Variants in EBF2 observed in about 807,000 individuals in gnomAD.
EBF2 encodes the protein EBF transcription factor 2.
Under a neutral mutation model 72.8 loss-of-function variants are expected in EBF2, and 21 were observed. The ratio of observed to expected loss-of-function variants is 0.29; its 90% CI spans 0.20 to 0.42. The LOEUF (loss-of-function observed/expected upper bound fraction) is 0.42, where lower values mean the gene tolerates loss of function less well. EBF2 is among the 10% of genes least tolerant of loss of function. The probability of loss-of-function intolerance (pLI) is 1.00; values close to 1 mark genes in which losing one functional copy is unlikely to be tolerated. For missense variants in EBF2, 637 were observed against 731.2 expected (o/e 0.87, Z 1.49); for synonymous variants, 299 against 274.2 (o/e 1.09, Z -0.89).
intron 6 of EBF2, among the ~76,000 whole-genome samples, chr8:25,996,428 C>T (rs1381412398): frequency 6.6e-6 from 1 of 151,910 alleles, no homozygotes; most frequent in Non-Finnish European, 1.5e-5. Context: ...AAGGTAATCT[C>T]TTAAATTTTA....
At chr8:25,851,337 G>A (rs549813449) in intron 14 of EBF2, among the ~76,000 whole-genome samples, 14 of 151,534 alleles carry the variant, frequency 9.2e-5, no homozygotes, top group African/African-American at 2.4e-4. Flanking sequence ...TTCCTCTCCC[G>A]TAATTTCAAG....
At chr8:25,914,440 A>G (rs1803178109) in intron 6 of EBF2, among the ~76,000 whole-genome samples, 1 of 152,172 alleles carries the variant, frequency 6.6e-6, no homozygotes, top group South Asian at 2.1e-4. Flanking sequence ...GGATACATCT[A>G]TTGGTTGTTG....
intron 10 of EBF2, among the ~76,000 whole-genome samples, chr8:25,878,679 G>A (rs1308743146): frequency 2.0e-5 from 3 of 152,210 alleles, no homozygotes; most frequent in Non-Finnish European, 4.4e-5. Context: ...AGACTCCTGA[G>A]CCATCCTTGA....
chr8:25,973,111 G>T (rs562380954), intron 6 of EBF2, among the ~76,000 whole-genome samples: 1 of 152,024 alleles, frequency 6.6e-6, no homozygotes, highest in Non-Finnish European at 1.5e-5. Flanking sequence ...AGTTTCCAGG[G>T]TATGGAACAC....
intron 15 of EBF2, among the ~76,000 whole-genome samples, chr8:25,846,504 A>G (rs970497447): frequency 6.6e-6 from 1 of 152,104 alleles, no homozygotes; most frequent in African/African-American, 2.4e-5. Context: ...CCTGAGCAAC[A>G]TGATGAAAAC....
intron 6 of EBF2, among the ~76,000 whole-genome samples, chr8:25,961,474 T>G (rs1396772162): frequency 6.6e-6 from 1 of 152,132 alleles, no homozygotes; most frequent in Non-Finnish European, 1.5e-5. Flanking sequence ...AGCAATTACC[T>G]GCCTCACTCT....
At chr8:25,980,364 AAG>A (rs1172309065) in intron 6 of EBF2, among the ~76,000 whole-genome samples, 3 of 152,208 alleles carry the variant, frequency 2.0e-5, no homozygotes, top group Non-Finnish European at 4.4e-5. Flanking sequence ...CCTTCTTTTA[AAG>A]AGAGTACACA....
At chr8:26,005,765 C>T (rs777430299) in intron 6 of EBF2, among the ~76,000 whole-genome samples, 1 of 145,734 alleles carries the variant, frequency 6.9e-6, no homozygotes, top group African/African-American at 2.6e-5. Flanking sequence ...TGGGAGGTGG[C>T]GGCTGCAGTG....
At chr8:26,033,801 T>G (rs959293945) in intron 5 of EBF2, among the ~76,000 whole-genome samples, 2 of 152,140 alleles carry the variant, frequency 1.3e-5, no homozygotes, top group African/African-American at 4.8e-5. Context: ...TTCCCAACTA[T>G]AAGCTACTTG....
At chr8:25,956,417 A>C in intron 6 of EBF2, among the ~76,000 whole-genome samples, 1 of 152,092 alleles carries the variant, frequency 6.6e-6, no homozygotes, top group East Asian at 1.9e-4. Context: ...AAAAAAAAAA[A>C]AATTATTATT....
intron 6 of EBF2, among the ~76,000 whole-genome samples, chr8:26,008,266 T>A (rs973809576): frequency 1.3e-5 from 2 of 152,224 alleles, no homozygotes; most frequent in Non-Finnish European, 2.9e-5. Context: ...GCATTATGTC[T>A]GCATTCCCAT....
chr8:25,879,367 C>T (rs923616534), intron 10 of EBF2, among the ~76,000 whole-genome samples: 2 of 152,156 alleles, frequency 1.3e-5, no homozygotes, highest in Non-Finnish European at 2.9e-5. Flanking sequence ...CTCCCATGAA[C>T]GGTCTTCCAG....
intron 10 of EBF2, among the ~76,000 whole-genome samples, chr8:25,864,965 A>AT (rs1802282451): frequency 6.6e-6 from 1 of 150,568 alleles, no homozygotes; most frequent in Non-Finnish European, 1.5e-5. Flanking sequence ...GCCTGGCTAA[A>AT]TTTTTTTTTG....
intron 13 of EBF2, among the ~76,000 whole-genome samples, chr8:25,860,244 AT>A (rs1197208409): frequency 1.1e-4 from 17 of 152,172 alleles, no homozygotes; most frequent in Non-Finnish European, 2.2e-4. Context: ...TTGTCTTTAT[AT>A]TTGTTTGTTG....
At chr8:26,020,583 G>C (rs759089129) in intron 6 of EBF2, among the ~76,000 whole-genome samples, 1 of 152,190 alleles carries the variant, frequency 6.6e-6, no homozygotes, top group Non-Finnish European at 1.5e-5. Context: ...TAGAAAGCAA[G>C]GGAGGCCCAA....
At chr8:25,869,440 G>A (rs1483428797) in intron 10 of EBF2, among the ~76,000 whole-genome samples, 1 of 152,120 alleles carries the variant, frequency 6.6e-6, no homozygotes, top group Non-Finnish European at 1.5e-5. Flanking sequence ...CCACCAGTAC[G>A]ACCCTGTGTG....
chr8:25,945,844 A>C (rs936972182), intron 6 of EBF2, among the ~76,000 whole-genome samples: 2 of 152,042 alleles, frequency 1.3e-5, no homozygotes, highest in African/African-American at 4.8e-5. Flanking sequence ...CTTTAGAAGC[A>C]CTCAGGACTC....
intron 14 of EBF2, among the ~76,000 whole-genome samples, chr8:25,854,632 G>A (rs1266366023): frequency 6.6e-6 from 1 of 152,012 alleles, no homozygotes; most frequent in Non-Finnish European, 1.5e-5. Context: ...CAAGTTGTCT[G>A]TAATGAGAAT....
chr8:25,988,895 C>CA (rs554641987), intron 6 of EBF2, among the ~76,000 whole-genome samples: 26 of 152,152 alleles, frequency 1.7e-4, no homozygotes, highest in Admixed American at 1.5e-3. Context: ...CAGCTCTTTC[C>CA]AAAAAACTAT....
Sources: gnomAD v4.1 joint callset for allele counts (sites outside exome capture counted in the v4.1 genomes callset) on GRCh38, gnomAD v4.1.1 for gene constraint, MANE v1.5 for transcripts, NCBI Gene and HGNC (gene_info 2026-07-23, HGNC 2026-07-21) for gene names.